IGSF3: variants seen among roughly 807,000 people sequenced by gnomAD.
IGSF3 encodes immunoglobulin superfamily member 3.
Under a neutral mutation model 114.4 loss-of-function variants are expected in IGSF3, and 23 were observed. The ratio of observed to expected loss-of-function variants is 0.20; its 90% CI spans 0.14 to 0.28. The LOEUF is 0.28. IGSF3 is among the 10% of genes least tolerant of loss of function. The pLI is 1.00. For synonymous variants in IGSF3, 571 were observed against 645.2 expected, an observed-to-expected ratio of 0.88 and a Z score of 1.74; for missense variants, 1,172 against 1,591.5, an observed-to-expected ratio of 0.74 and a Z score of 4.48.
At chr1:116,652,636 A>G (rs1260154209) in intron 2 of IGSF3, among the ~76,000 whole-genome samples, 1 of 152,246 alleles carries the variant, frequency 6.6e-6, no homozygotes, top group Non-Finnish European at 1.5e-5. Flanking sequence ...CTGCAATCCA[A>G]TTTAGTCCAA....
chr1:116,589,229 A>G lies in IGSF3; in HGVS notation c.2030-125T>C, dbSNP rs188473162. On this transcript the variant is annotated intron_variant, in intron 7 of 10. Coordinates refer to ENST00000369486, the MANE Select transcript of IGSF3 (RefSeq NM_001007237.3). This position sits in a 1 kb window ranked among gnomAD's most constrained non-coding sequence, Gnocchi z 5.7. ...GGGGGATTTAACACCGACTGGCTTC[A>G]GTGTGAGGAAGGCAGCACGGAGCCC... The G allele has an allele frequency of 2.3e-5, 17 of 731,412 alleles. No homozygotes were observed. In the Admixed American group the frequency reaches 4.4e-4, roughly 19 times the overall value. The allele number at this position is 731,412 out of a possible 1,614,324, so 45.3% of individuals were successfully genotyped here. A position where few individuals can be genotyped will look rare whatever the true frequency, so the allele number is the denominator to read the frequency against.
In IGSF3 at chr1:116,595,006, C is replaced by T. The variant is rs1436713143; in HGVS notation, c.2029+4935G>A. On this transcript the variant is annotated intron_variant, in intron 7 of 10. Transcript: ENST00000369486. This position sits in a 1 kb window ranked among gnomAD's most constrained non-coding sequence, Gnocchi z 4.2. ...TAGGCCTGCTGCCTCCCACAGAGCC[C>T]GCAAGGCAGGAACGTGACACACCCA... Among the ~76,000 whole-genome samples the T allele has an allele frequency of 2.6e-5, 4 of 152,132 alleles. No homozygotes were observed. Among genetic ancestry groups the T allele is most frequent in the Non-Finnish European group, 5.9e-5 (4 of 68,024 alleles).
intron 2 of IGSF3, among the ~76,000 whole-genome samples, chr1:116,640,037 C>CAA (rs34003833): frequency 2.8e-4 from 18 of 65,200 alleles, no homozygotes; most frequent in South Asian, 5.7e-4. Context: ...GACTCTATCT[C>CAA]AAAAAAAAAA....
rs1044897433 is a variant in IGSF3 at position 116,639,851 on chromosome 1, C to G, written c.44-23394G>C. Among the ~76,000 whole-genome samples the G allele has an allele frequency of 3.4e-4, 52 of 151,944 alleles. 1 individual carries two copies. The highest frequency in any genetic ancestry group is 1.1e-3 in the African/African-American group (46 of 41,430). ...GAGTTCAAGACCAATCTGGCCAACA[C>G]GGTGAAACCCCGTCTCTACTGAAAA... On this transcript the variant is annotated intron_variant, in intron 2 of 10. Coordinates refer to ENST00000369486, the MANE Select transcript of IGSF3 (RefSeq NM_001007237.3).
rs373059936 is a variant in IGSF3, at chr1:116,638,444, G to T, written c.44-21987C>A. ...CTCACCAGATAAACAAATGGCCAGAGATTCCACTTTGCCAATCACATCAAG... is the reference window on the plus strand; with the variant it reads ...CTCACCAGATAAACAAATGGCCAGATATTCCACTTTGCCAATCACATCAAG... On this transcript the variant is annotated intron_variant, in intron 2 of 10. Coordinates refer to ENST00000369486, the MANE Select transcript of IGSF3 (RefSeq NM_001007237.3). The surrounding 1 kb of genome is among the most constrained non-coding windows in gnomAD (Gnocchi z 4.1). Among the ~76,000 whole-genome samples the T allele has an allele frequency of 6.6e-6, 1 of 152,220 alleles. No homozygotes were observed.
rs1660366099 is a variant in IGSF3, at chr1:116,596,886, G to A, written c.2029+3055C>T. 6.6e-6 allele frequency among the ~76,000 whole-genome samples: 1 copy of A among 152,172 alleles called. No homozygotes were observed. The highest frequency in any genetic ancestry group is 6.5e-5 in the Admixed American group (1 of 15,282). ...ATGGATTAAGAAACGAGGAACCAAA[G>A]CATTCACAGTGGTTTACAAGAAATG... On this transcript the variant is annotated intron_variant, in intron 7 of 10. Coordinates refer to ENST00000369486, the MANE Select transcript of IGSF3 (RefSeq NM_001007237.3). The surrounding 1 kb of genome is among the most constrained non-coding windows in gnomAD (Gnocchi z 4.1).
rs1003654107 is a variant in IGSF3, at chr1:116,577,797, T to A, written c.3335-235A>T. ...AACAAAGCAATGCTTCTGTTTTCCA[T>A]TGAGAGCCATTATTGCTGCTTGGAA... is the stretch of plus-strand genomic sequence containing the variant. On this transcript the variant is annotated intron_variant, in intron 10 of 10. Coordinates refer to ENST00000369486, the MANE Select transcript of IGSF3 (RefSeq NM_001007237.3). The surrounding 1 kb of genome is among the most constrained non-coding windows in gnomAD (Gnocchi z 5.7). Among the ~76,000 whole-genome samples, 1 of 152,182 alleles carries A rather than the reference T, an allele frequency of 6.6e-6. No homozygotes were observed. The highest frequency in any genetic ancestry group is 1.5e-5 in the Non-Finnish European group (1 of 68,026).
At chr1:116,599,804 C>T (rs1292742175) in intron 7 of IGSF3, 137 bp downstream of exon 7, 2 of 722,986 alleles carry the variant, frequency 2.8e-6, no homozygotes, top group Non-Finnish European at 4.5e-6. Context: ...TTAAAACTTC[C>T]TATTGATTTG....
rs1647712976 is a variant in IGSF3 at position 116,634,084 on chromosome 1, C to T, written c.44-17627G>A. Among the ~76,000 whole-genome samples, 1 of 152,202 alleles carries T rather than the reference C, an allele frequency of 6.6e-6. No individual in the cohort carries two copies. The highest frequency in any genetic ancestry group is 2.1e-4 in the South Asian group (1 of 4,828). On this transcript the variant is annotated intron_variant, in intron 2 of 10. Transcript: ENST00000369486. The surrounding 1 kb of genome is among the most constrained non-coding windows in gnomAD (Gnocchi z 4.2). ...TGAAAGACACACATGAAACCAGTAACGGTGATGGTCTCTGGAAGAATTAGG... is the reference window on the plus strand; with the variant it reads ...TGAAAGACACACATGAAACCAGTAATGGTGATGGTCTCTGGAAGAATTAGG...
At chr1:116,608,443 C>T (rs529392257) in intron 4 of IGSF3, 112 bp from the exon 5 acceptor site, 23 of 818,882 alleles carry the variant, frequency 2.8e-5, no homozygotes, top group Non-Finnish European at 3.8e-5. Context: ...ATACTAACTG[C>T]GGGGAGGACC....
chr1:116,625,514 A>G lies in IGSF3; in HGVS notation c.44-9057T>C, dbSNP rs1454595472. ...CACCGAAAGGCACATTAATAAAGTCAAACACCTCCTCTGGGACTGGGGAAG... is the reference window on the plus strand; with the variant it reads ...CACCGAAAGGCACATTAATAAAGTCGAACACCTCCTCTGGGACTGGGGAAG... On this transcript the variant is annotated intron_variant, in intron 2 of 10. Coordinates refer to ENST00000369486, the MANE Select transcript of IGSF3 (RefSeq NM_001007237.3). The surrounding 1 kb of genome is among the most constrained non-coding windows in gnomAD (Gnocchi z 4.7). Among the ~76,000 whole-genome samples the G allele has an allele frequency of 6.6e-6, 1 of 152,250 alleles. No homozygotes were observed. Among genetic ancestry groups the G allele is most frequent in the African/African-American group, 2.4e-5 (1 of 41,468 alleles).
rs200821885 is a variant in IGSF3, at chr1:116,588,911, G to A, written c.2223C>T (p.Tyr741=). 836 of 1,614,160 alleles carry A rather than the reference G, an allele frequency of 5.2e-4. 10 individuals carry two copies. The South Asian group carries it at 8.0e-3, about 16-fold the overall frequency. ...LKTTHNSAFE[Y]GTYAEEEGLR... The stretch of plus-strand genomic sequence containing the variant: ...GGCCCTCCTCCTCGGCGTAAGTACC[G>A]TATTCAAAGGCGGAGTTGTGGGTGG... The change falls in exon 8 of 11, where the codon TAC becomes TAT. Residue 741 remains tyrosine, a synonymous_variant. Coordinates refer to ENST00000369486, the MANE Select transcript of IGSF3 (RefSeq NM_001007237.3). The surrounding 1 kb of genome is among the most constrained non-coding windows in gnomAD (Gnocchi z 4.9).
In IGSF3 at chr1:116,594,302, C is replaced by T; in HGVS notation, c.2030-5198G>A. On this transcript the variant is annotated intron_variant, in intron 7 of 10. Coordinates refer to ENST00000369486, the MANE Select transcript of IGSF3 (RefSeq NM_001007237.3). This position sits in a 1 kb window ranked among gnomAD's most constrained non-coding sequence, Gnocchi z 5.2. ...TTTTTTTAAAAAAAACTTTCTTTAT[C>T]CCACAACTAGGACAATATAGCAAAT... Among the ~76,000 whole-genome samples the T allele has an allele frequency of 6.6e-6, 1 of 152,086 alleles. No individual in the cohort carries two copies. Among genetic ancestry groups the T allele is most frequent in the Non-Finnish European group, 1.5e-5 (1 of 68,024 alleles).
At chr1:116,667,076 C>A in intron 1 of IGSF3, 120 bp from the exon 2 acceptor site, 2 of 380,082 alleles carry the variant, frequency 5.3e-6, no homozygotes, top group Non-Finnish European at 9.3e-6. Flanking sequence ...TCAACCTCTG[C>A]ATTCTGACCT....
rs770408845 is a variant in IGSF3, at chr1:116,584,824, C to T, written c.2669G>A (p.Arg890Gln). The T allele has an allele frequency of 2.3e-5, 37 of 1,614,152 alleles. No individual in the cohort carries two copies. The highest frequency in any genetic ancestry group is 5.0e-5 in the Admixed American group (3 of 60,012). The change falls in exon 9 of 11, where the codon CGG (arginine) becomes CAG (glutamine). Residue 890 changes from arginine to glutamine, a missense_variant. By Grantham distance (43) the Arg-to-Gln change is conservative. Around this residue, in one of 3 missense-constraint regions of IGSF3, gnomAD observed 423 missense variants for 509.8 expected, o/e 0.83. Coordinates refer to ENST00000369486, the MANE Select transcript of IGSF3 (RefSeq NM_001007237.3). This position sits in a 1 kb window ranked among gnomAD's most constrained non-coding sequence, Gnocchi z 5.8. ...EQAAKNNLKG[R>Q]LHLESPSPGV... ...GGGGGAAGGACTCTCCAAATGCAGCCGCCCCTTCAGATTGTTCTTGGCTGC... is the reference window on the plus strand; with the variant it reads ...GGGGGAAGGACTCTCCAAATGCAGCTGCCCCTTCAGATTGTTCTTGGCTGC...
In IGSF3 at chr1:116,638,630, G is replaced by A. The variant is rs1188129626; in HGVS notation, c.44-22173C>T. 6.6e-6 allele frequency among the ~76,000 whole-genome samples: 1 copy of A among 152,144 alleles called. No homozygotes were observed. Among genetic ancestry groups the A allele is most frequent in the African/African-American group, 2.4e-5 (1 of 41,418 alleles). ...GGAGTCATTCACACCTAAAGGCTAT[G>A]CTTACATCGTTTTCCATCTCTTGTG... On this transcript the variant is annotated intron_variant, in intron 2 of 10. Coordinates refer to ENST00000369486, the MANE Select transcript of IGSF3 (RefSeq NM_001007237.3). The surrounding 1 kb of genome is among the most constrained non-coding windows in gnomAD (Gnocchi z 4.1).
At chr1:116,604,145 G>T in intron 5 of IGSF3, 120 bp from the exon 6 acceptor site, 1 of 941,730 alleles carries the variant, frequency 1.1e-6, no homozygotes, top group South Asian at 1.7e-5. Flanking sequence ...GAGCCTCAGA[G>T]GGTCAAAAAC....
chr1:116,645,439 G>C (rs934927447), intron 2 of IGSF3, among the ~76,000 whole-genome samples: 3 of 152,232 alleles, frequency 2.0e-5, no homozygotes, highest in African/African-American at 7.2e-5. Flanking sequence ...TGATTATGTG[G>C]CTGCTCATGT....
rs1659686683 is a variant in IGSF3, at chr1:116,583,644, G to C, written c.2848+1001C>G. ...GTCAGGATGCTCAGAAAACAAACAA[G>C]ATACTGATGGGGTCACGAATTCACT... On this transcript the variant is annotated intron_variant, in intron 9 of 10. Coordinates refer to ENST00000369486, the MANE Select transcript of IGSF3 (RefSeq NM_001007237.3). The surrounding 1 kb of genome is among the most constrained non-coding windows in gnomAD (Gnocchi z 4.5). 6.6e-6 allele frequency among the ~76,000 whole-genome samples: 1 copy of C among 152,198 alleles called. No homozygotes were observed. The highest frequency in any genetic ancestry group is 6.5e-5 in the Admixed American group (1 of 15,284).
Sources: gnomAD v4.1 joint callset for allele counts (sites outside exome capture counted in the v4.1 genomes callset) on GRCh38, gnomAD v4.1.1 for gene constraint, gnomAD v4.1.1 regional missense constraint, Gnocchi (gnomAD v3.1) non-coding constraint, MANE v1.5 for transcripts, NCBI Gene and HGNC (gene_info 2026-07-23, HGNC 2026-07-21) for gene names.